The following ATE1 variants were observed in gnomAD, a reference collection of about 807,000 sequenced individuals.
ATE1 encodes the protein arginyl-tRNA--protein transferase 1.
Under a neutral mutation model 70.5 loss-of-function variants are expected in ATE1, and 36 were observed. The observed-to-expected ratio is 0.51, with a 90% CI of 0.39 to 0.67. The LOEUF is 0.67. Ranked by LOEUF, ATE1 falls within the 30% of genes least tolerant of loss-of-function variation. The probability of loss-of-function intolerance (pLI) is 0.00; values close to 1 mark genes in which losing one functional copy is unlikely to be tolerated. For missense variants in ATE1, 593 were observed against 629.5 expected, an observed-to-expected ratio of 0.94 and a Z score of 0.62; for synonymous variants, 232 against 219.3, an observed-to-expected ratio of 1.06 and a Z score of -0.51.
At chr10:121,852,781 A>G (rs987448825) in intron 8 of ATE1, among the ~76,000 whole-genome samples, 1 of 152,336 alleles carries the variant, frequency 6.6e-6, no homozygotes. Context: ...CTAAAACATC[A>G]AAAACTAAAT....
intron 11 of ATE1, among the ~76,000 whole-genome samples, chr10:121,776,219 T>C (rs1204623673): frequency 6.6e-6 from 1 of 152,198 alleles, no homozygotes; most frequent in African/African-American, 2.4e-5. Context: ...GTACAATAAA[T>C]TACTGTTAAC....
chr10:121,879,795 C>T (rs1465184705), intron 7 of ATE1, among the ~76,000 whole-genome samples: 1 of 152,176 alleles, frequency 6.6e-6, no homozygotes, highest in African/African-American at 2.4e-5. Context: ...AAAAACCTGT[C>T]CCCTTCTTGT....
intron 7 of ATE1, among the ~76,000 whole-genome samples, chr10:121,888,224 C>G (rs1950466905): frequency 6.6e-6 from 1 of 152,106 alleles, no homozygotes; most frequent in African/African-American, 2.4e-5. Flanking sequence ...GAAACCCTGT[C>G]TCTTCTAAAA....
At chr10:121,898,940 G>A (rs140778802) in intron 7 of ATE1, 11 of 1,613,822 alleles carry the variant, frequency 6.8e-6, no homozygotes, top group Non-Finnish European at 9.3e-6. Flanking sequence ...TGAACTCTGG[G>A]TCCTCAAAGG....
intron 8 of ATE1, among the ~76,000 whole-genome samples, chr10:121,860,356 T>C (rs1408562382): frequency 6.6e-6 from 1 of 152,200 alleles, no homozygotes; most frequent in Non-Finnish European, 1.5e-5. Flanking sequence ...CAGTCCACCA[T>C]GCCAACACAC....
chr10:121,872,470 C>A (rs573945052), intron 7 of ATE1, among the ~76,000 whole-genome samples: 1 of 152,072 alleles, frequency 6.6e-6, no homozygotes, highest in East Asian at 1.9e-4. Flanking sequence ...AAAAAGATTT[C>A]AAAAAATGCC....
intron 11 of ATE1, among the ~76,000 whole-genome samples, chr10:121,759,183 A>G (rs185888815): frequency 1.5e-4 from 23 of 152,336 alleles, no homozygotes; most frequent in African/African-American, 4.6e-4. Context: ...AAAAAGTGCT[A>G]TTCCAGTGAA....
At chr10:121,829,189 C>T (rs1376405346) in intron 10 of ATE1, among the ~76,000 whole-genome samples, 2 of 152,088 alleles carry the variant, frequency 1.3e-5, no homozygotes, top group African/African-American at 4.8e-5. Flanking sequence ...CTTTGGGAGG[C>T]CGAGGCGGGC....
intron 11 of ATE1, among the ~76,000 whole-genome samples, chr10:121,762,213 C>A (rs10886975): frequency 6.6e-6 from 1 of 152,060 alleles, no homozygotes; most frequent in African/African-American, 2.4e-5. Flanking sequence ...TGCCCCAGGG[C>A]AATCCTTTTT....
At chr10:121,924,933 A>G (rs1466216435) in intron 1 of ATE1, among the ~76,000 whole-genome samples, 1 of 152,214 alleles carries the variant, frequency 6.6e-6, no homozygotes, top group Non-Finnish European at 1.5e-5. Context: ...CACTGCAATC[A>G]GACTGCATCA....
intron 11 of ATE1, among the ~76,000 whole-genome samples, chr10:121,753,648 CTAA>C (rs921840573): frequency 3.9e-5 from 6 of 152,098 alleles, no homozygotes; most frequent in Admixed American, 3.9e-4. Flanking sequence ...AAGTAAAATG[CTAA>C]TAAAATCTCT....
intron 11 of ATE1, among the ~76,000 whole-genome samples, chr10:121,771,480 A>G (rs563378079): frequency 1.3e-5 from 2 of 152,328 alleles, no homozygotes; most frequent in African/African-American, 4.8e-5. Flanking sequence ...CTAGGAAGAA[A>G]GGCTACAAGG....
At chr10:121,900,052 A>C in intron 6 of ATE1, 58 bp from the exon 7 acceptor site, 2 of 1,582,060 alleles carry the variant, frequency 1.3e-6, no homozygotes, top group East Asian at 2.2e-5. Context: ...CATTCTGTGG[A>C]ATATGCATTA....
intron 11 of ATE1, among the ~76,000 whole-genome samples, chr10:121,770,743 A>AC (rs1410297314): frequency 6.6e-6 from 1 of 151,978 alleles, no homozygotes; most frequent in East Asian, 1.9e-4. Flanking sequence ...CTAAAAAAAA[A>AC]AAAAAAAACT....
intron 8 of ATE1, among the ~76,000 whole-genome samples, chr10:121,854,786 T>A (rs1357732344): frequency 6.6e-6 from 1 of 152,162 alleles, no homozygotes; most frequent in Non-Finnish European, 1.5e-5. Flanking sequence ...TAGAGCAGCC[T>A]GGCGAAAACT....
At chr10:121,831,313 C>G (rs755785117) in intron 10 of ATE1, among the ~76,000 whole-genome samples, 3 of 152,076 alleles carry the variant, frequency 2.0e-5, no homozygotes, top group African/African-American at 4.8e-5. Flanking sequence ...TTTGTTATTT[C>G]TTGGAACACT....
chr10:121,797,503 T>C (rs1946704388), intron 10 of ATE1, among the ~76,000 whole-genome samples: 1 of 151,772 alleles, frequency 6.6e-6, no homozygotes, highest in South Asian at 2.1e-4. Context: ...CCTTGCCCCC[T>C]AGCCCCTAGC....
chr10:121,813,102 G>A (rs567287813), intron 10 of ATE1, among the ~76,000 whole-genome samples: 4 of 152,154 alleles, frequency 2.6e-5, no homozygotes, highest in South Asian at 4.2e-4. Flanking sequence ...ATCTGCTCAC[G>A]TCAGTTTTAA....
At chr10:121,927,725 C>A in intron 1 of ATE1, 119 bp downstream of exon 1, 1 of 1,354,914 alleles carries the variant, frequency 7.4e-7, no homozygotes, top group Non-Finnish European at 9.5e-7. Flanking sequence ...GTGCCCCCTC[C>A]GTCTCGGCCG....
Sources: gnomAD v4.1 joint callset for allele counts (sites outside exome capture counted in the v4.1 genomes callset) on GRCh38, gnomAD v4.1.1 for gene constraint, MANE v1.5 for transcripts, NCBI Gene and HGNC (gene_info 2026-07-23, HGNC 2026-07-21) for gene names.